Variants in MYH7 observed in about 807,000 individuals in gnomAD.
MYH7 encodes myosin heavy chain 7, also known as myosin-7.
In MYH7, 129 loss-of-function variants were observed where a neutral mutation model predicts 225.4. That is an observed-to-expected ratio of 0.57 (90% CI 0.50 to 0.66). MYH7 has a LOEUF of 0.66. Among genes scored for constraint, MYH7 ranks in the 30% least tolerant of loss-of-function variants. The probability of loss-of-function intolerance (pLI) is 0.00; values close to 1 mark genes in which losing one functional copy is unlikely to be tolerated. For synonymous variants in MYH7, 971 were observed against 1,007.6 expected, an observed-to-expected ratio of 0.96 and a Z score of 0.69; for missense variants, 1,649 against 2,517.0, an observed-to-expected ratio of 0.66 and a Z score of 7.38.
rs1458466127 is a variant in MYH7 at position 23,429,298 on chromosome 14, G to A, written c.1188C>T (p.Leu396=). 7 of 1,614,082 alleles carry A rather than the reference G, an allele frequency of 4.3e-6. No homozygotes were observed. In the Admixed American group the frequency reaches 8.3e-5, roughly 19 times the overall value. ...TCACCCGAGGGTGGCACAGCCCCTT[G>A]AGCAGGTCGGCTGAGTTCAGCCCCA... ...YLMGLNSADL[L]KGLCHPRVKV... Residue 396 remains leucine (L), a synonymous_variant, in exon 13 of 40, where the codon CTC becomes CTT. Transcript: ENST00000355349.
intron 24 of MYH7, among the ~76,000 whole-genome samples, chr14:23,422,574 C>CCTTTCTTTCTTTCTTT (rs138565959): frequency 1.8e-4 from 26 of 146,862 alleles, no homozygotes; most frequent in African/African-American, 6.3e-4. Flanking sequence ...TCTTTCTTTC[C>CCTTTCTTTCTTTCTTT]CTTTCTTTCT....
In MYH7 at chr14:23,415,050, TCTGC is replaced by T; in HGVS notation, c.5500_5503del (p.Ala1834SerfsTer3). On this transcript the variant is annotated frameshift_variant, in exon 37 of 40. Transcript: ENST00000355349. LOFTEE classifies it high-confidence loss of function. This position sits in a 1 kb window ranked among gnomAD's most constrained non-coding sequence, Gnocchi z 6.3. ...GCTCTTCCTCATGCCCTTCACCGAC[TCTGC>T]GTTGCGCTTCTGCTCGGCCTCCAGC... The T allele has an allele frequency of 6.2e-7, 1 of 1,612,708 alleles. No homozygotes were observed. The highest frequency in any genetic ancestry group is 8.5e-7 in the Non-Finnish European group (1 of 1,180,016).
At chr14:23,418,185 A>G (rs1407652158) in intron 30 of MYH7, 25 bp downstream of exon 30, 2 of 1,613,266 alleles carry the variant, frequency 1.2e-6, no homozygotes, top group African/African-American at 1.3e-5. Flanking sequence ...GGCCTCAGCC[A>G]GAAGTCAGGC....
In MYH7 at chr14:23,430,591, A is replaced by C. The variant is rs397516275; in HGVS notation, c.968T>G (p.Ile323Ser). The change falls in exon 11 of 40, where the codon ATT becomes AGT. Residue 323 changes from isoleucine (I) to serine (S), a missense_variant. By Grantham distance (142) the Ile-to-Ser change is moderately radical. Around this residue, in one of 12 missense-constraint regions of MYH7, gnomAD observed 131 missense variants for 231.3 expected, o/e 0.57. Transcript: ENST00000355349. ...ISQGETTVAS[I>S]DDAEELMATD... ...GGCCATGAGCTCCTCAGCGTCATCAATGGAGGCCACGGTGGTCTCTCCTTG... is the reference window on the plus strand; with the variant it reads ...GGCCATGAGCTCCTCAGCGTCATCACTGGAGGCCACGGTGGTCTCTCCTTG... 1.7e-5 allele frequency: 27 copies of C among 1,614,092 alleles called. No individual in the cohort carries two copies. Among genetic ancestry groups the C allele is most frequent in the Non-Finnish European group, 2.2e-5 (26 of 1,179,976 alleles).
intron 15 of MYH7, 99 bp downstream of exon 15, chr14:23,428,401 A>G (rs370331209): frequency 6.3e-7 from 1 of 1,578,826 alleles, no homozygotes; most frequent in African/African-American, 1.3e-5. Context: ...AGCCCCTTCT[A>G]TTTTTATATT....
Position 23,428,635 on chromosome 14 carries a change from G to A in MYH7, c.1443C>T (p.Thr481=). ...TGAAGAACTGCTGCAGCTTCTCGTT[G>A]GTGAAGTTGATGCAGAGCTGCTCAA... ...NSFEQLCINF[T]NEKLQQFFNH... Residue 481 remains threonine (T), a synonymous_variant, in exon 15 of 40, where the codon ACC becomes ACT. Coordinates refer to ENST00000355349, the MANE Select transcript of MYH7 (RefSeq NM_000257.4). 2 of 1,614,142 alleles carry A rather than the reference G, an allele frequency of 1.2e-6. No homozygotes were observed. Among genetic ancestry groups the A allele is most frequent in the Middle Eastern group, 1.7e-4 (1 of 6,060 alleles).
chr14:23,417,670 G>A lies in MYH7; in HGVS notation c.4186C>T (p.Arg1396Trp), dbSNP rs730880793. The A allele has an allele frequency of 6.2e-6, 10 of 1,612,816 alleles. No homozygotes were observed. Among genetic ancestry groups the A allele is most frequent in the African/African-American group, 1.3e-5 (1 of 74,908 alleles). Reference sequence around the variant, plus strand: ...ACGGCCTCCTCAGCTTCCTGCAGCCGCTGGGCCAGCTTCTTCCTGCCCAGG... The same window carrying A: ...ACGGCCTCCTCAGCTTCCTGCAGCCACTGGGCCAGCTTCTTCCTGCCCAGG... ...LEEAKKKLAQ[R>W]LQEAEEAVEA... The change falls in exon 31 of 40, where the codon CGG becomes TGG. Residue 1396 changes from arginine to tryptophan, a missense_variant. Arg to Trp is a moderately radical substitution (Grantham distance 101, BLOSUM62 -3). Coordinates refer to ENST00000355349, the MANE Select transcript of MYH7 (RefSeq NM_000257.4).
At chr14:23,430,717 G>A (rs1009054634) in intron 10 of MYH7, 54 bp from the exon 11 acceptor site, 1 of 1,491,184 alleles carries the variant, frequency 6.7e-7, no homozygotes, top group Non-Finnish European at 9.4e-7. Flanking sequence ...TCTCATGGAG[G>A]CTGCTCGCCA....
At chr14:23,427,918 ACT>A (rs772577063) in intron 15 of MYH7, 24 bp from the exon 16 acceptor site, 276 of 1,613,678 alleles carry the variant, frequency 1.7e-4, no homozygotes, top group Non-Finnish European at 2.2e-4. Flanking sequence ...AGAGAGCATC[ACT>A]GAGTGTCCTT....
At position 23,429,894 on chromosome 14, in the gene MYH7, C is replaced by G. The variant is rs765585335; in HGVS notation, c.1019G>C (p.Gly340Ala). 2 of 1,614,044 alleles carry G rather than the reference C, an allele frequency of 1.2e-6. No homozygotes were observed. The highest frequency in any genetic ancestry group is 1.7e-6 in the Non-Finnish European group (2 of 1,180,018). Residue 340 changes from glycine (G) to alanine (A), a missense_variant, in exon 12 of 40, where the codon GGC becomes GCC. Physicochemically the swap from Gly to Ala is moderately conservative, Grantham distance 60 (BLOSUM62 0). Transcript: ENST00000355349. ...MATDNAFDVL[G>A]FTSEEKNSMY... ...GGAGTTTTTCTCCTCTGAAGTGAAG[C>G]CCAGCACATCAAAAGCGTTCTGTAG...
rs772008016 is a variant in MYH7 at position 23,415,720 on chromosome 14, C to T, written c.5066G>A (p.Arg1689His). 1.3e-5 allele frequency: 21 copies of T among 1,614,202 alleles called. No homozygotes were observed. Among genetic ancestry groups the T allele is most frequent in the South Asian group, 3.3e-5 (3 of 91,082 alleles). The stretch of plus-strand genomic sequence containing the variant: ...CCGCTCTGTCTGCTCCACCACGGCA[C>T]GCAACTCCTCCAGCTCAGCCTGCAG... Reference protein sequence around the residue: ...NLLQAELEELRAVVEQTERSR... With the variant: ...NLLQAELEELHAVVEQTERSR... Residue 1689 changes from arginine to histidine, a missense_variant, in exon 35 of 40, where the codon CGT (arginine) becomes CAT (histidine). Arg to His is a conservative substitution (Grantham distance 29). Coordinates refer to ENST00000355349, the MANE Select transcript of MYH7 (RefSeq NM_000257.4). The surrounding 1 kb of genome is among the most constrained non-coding windows in gnomAD (Gnocchi z 6.3).
rs752684566 is a variant in MYH7, at chr14:23,432,763, G to A, written c.378C>T (p.Asn126=). The A allele has an allele frequency of 1.9e-6, 3 of 1,614,104 alleles. No homozygotes were observed. In the African/African-American group the frequency reaches 4.0e-5, roughly 22 times the overall value. The part of the protein sequence containing the change: ...TYSGLFCVTV[N]PYKWLPVYTP... ...TGTACACCGGCAGCCACTTGTAAGG[G>A]TTGACGGTGACACAGAAGAGGCCCG... Residue 126 remains asparagine, a synonymous_variant, in exon 5 of 40, where the codon AAC becomes AAT. Transcript: ENST00000355349.
In MYH7 at chr14:23,417,004, A is replaced by G. The variant is rs745617220; in HGVS notation, c.4520-12T>C. On this transcript the variant is annotated splice_polypyrimidine_tract_variant and intron_variant, in intron 32 of 39. Transcript: ENST00000355349. The stretch of plus-strand genomic sequence containing the variant: ...GTCGGAGATCTCCTCTGTGTGGGGA[A>G]CACGGTAACTCGGTTGAGGGCTGCT... 10 of 1,614,214 alleles carry G rather than the reference A, an allele frequency of 6.2e-6. No homozygotes were observed. Among genetic ancestry groups the G allele is most frequent in the Non-Finnish European group, 8.5e-6 (10 of 1,180,032 alleles).
chr14:23,425,580 G>A lies in MYH7; in HGVS notation c.2286+115C>T. ...GGGAGTGGTGCTAGATGTTCCACTGGGAGGGGTAGCATACAGGTAAGAGAT... is the reference window on the plus strand; with the variant it reads ...GGGAGTGGTGCTAGATGTTCCACTGAGAGGGGTAGCATACAGGTAAGAGAT... On this transcript the variant is annotated intron_variant, in intron 20 of 39. Transcript: ENST00000355349. This position sits in a 1 kb window ranked among gnomAD's most constrained non-coding sequence, Gnocchi z 4.6. The A allele has an allele frequency of 6.3e-7, 1 of 1,586,592 alleles. No homozygotes were observed. The highest frequency in any genetic ancestry group is 8.6e-7 in the Non-Finnish European group (1 of 1,161,482).
intron 12 of MYH7, 34 bp from the exon 13 acceptor site, chr14:23,429,381 A>G (rs1333191706): frequency 6.3e-7 from 1 of 1,586,482 alleles, no homozygotes; most frequent in Admixed American, 1.7e-5. Context: ...AAGTTGGTAA[A>G]GAGATGACTG....
rs1892193216 is a variant in MYH7, at chr14:23,416,091, G to T, written c.4866C>A (p.Leu1622=). 6.2e-7 allele frequency: 1 copy of T among 1,614,220 alleles called. No homozygotes were observed. Among genetic ancestry groups the T allele is most frequent in the Non-Finnish European group, 8.5e-7 (1 of 1,180,052 alleles). The change falls in exon 34 of 40, where the codon CTC becomes CTA. Residue 1622 remains leucine, a synonymous_variant. Transcript: ENST00000355349. ...GGCTGAGCTGGATCTCCATCTCATTGAGGTCTCCTTCCATCTTCTTCTTCA... is the reference window on the plus strand; with the variant it reads ...GGCTGAGCTGGATCTCCATCTCATTTAGGTCTCCTTCCATCTTCTTCTTCA... ...LRVKKKMEGD[L]NEMEIQLSHA...
Position 23,430,627 on chromosome 14 carries a change from G to A in MYH7, c.932C>T (p.Ala311Val). The change falls in exon 11 of 40, where the codon GCA becomes GTA. Residue 311 changes from alanine to valine, a missense_variant. By Grantham distance (64) the Ala-to-Val change is moderately conservative. Around this residue, in one of 12 missense-constraint regions of MYH7, gnomAD observed 131 missense variants for 231.3 expected, o/e 0.57. Coordinates refer to ENST00000355349, the MANE Select transcript of MYH7 (RefSeq NM_000257.4). ...GGTGGTCTCTCCTTGGGAGATGAAT[G>A]CATAATCGTAGGGGTTGTTGGTGAT... ...LLITNNPYDY[A>V]FISQGETTVA... The A allele has an allele frequency of 6.2e-7, 1 of 1,614,118 alleles. No homozygotes were observed. Among genetic ancestry groups the A allele is most frequent in the Non-Finnish European group, 8.5e-7 (1 of 1,179,990 alleles).
chr14:23,415,350 C>A lies in MYH7; in HGVS notation c.5283+31G>T. ...GCCCAGCCCACGGAGAGACACTGGT[C>A]TGGATCGGGTCGGTGGAGTGGGGGA... On this transcript the variant is annotated intron_variant, in intron 36 of 39. Transcript: ENST00000355349. This position sits in a 1 kb window ranked among gnomAD's most constrained non-coding sequence, Gnocchi z 6.3. 6 of 1,614,224 alleles carry A rather than the reference C, an allele frequency of 3.7e-6. No homozygotes were observed. Among genetic ancestry groups the A allele is most frequent in the Non-Finnish European group, 5.1e-6 (6 of 1,180,040 alleles).
Position 23,429,106 on chromosome 14 carries a change from T to A in MYH7, c.1258-2A>T. On this transcript the variant is annotated splice_acceptor_variant, in intron 13 of 39. Transcript: ENST00000355349. LOFTEE classifies it high-confidence loss of function. ...CAGTGCCCCAGTGGCATATATCACC[T>A]GCAAGGTGGAGGAGAGACCCATATT... 10 of 1,614,212 alleles carry A rather than the reference T, an allele frequency of 6.2e-6. No individual in the cohort carries two copies. Among genetic ancestry groups the A allele is most frequent in the Non-Finnish European group, 8.5e-6 (10 of 1,180,038 alleles).
Sources: gnomAD v4.1 joint callset for allele counts (sites outside exome capture counted in the v4.1 genomes callset) on GRCh38, gnomAD v4.1.1 for gene constraint, gnomAD v4.1.1 regional missense constraint, Gnocchi (gnomAD v3.1) non-coding constraint, MANE v1.5 for transcripts, NCBI Gene and HGNC (gene_info 2026-07-23, HGNC 2026-07-21) for gene names.